Variants in TMTC2 observed in about 807,000 individuals in gnomAD.
TMTC2 encodes the protein protein O-mannosyl-transferase TMTC2.
A neutral mutation model predicts 82.4 loss-of-function variants in TMTC2; 43 were observed. That is an observed-to-expected ratio of 0.52 (90% CI 0.41 to 0.67). The LOEUF (loss-of-function observed/expected upper bound fraction) is 0.67, where lower values mean the gene tolerates loss of function less well. Among genes scored for constraint, TMTC2 ranks in the 30% least tolerant of loss-of-function variants. The pLI, the probability that TMTC2 is intolerant of heterozygous loss-of-function variation, is 0.00. For missense variants in TMTC2, 919 were observed against 1,012.4 expected (o/e 0.91, Z 1.25); for synonymous variants, 408 against 381.9 (o/e 1.07, Z -0.80).
At chr12:82,931,723 C>A (rs940310996) in intron 4 of TMTC2, among the ~76,000 whole-genome samples, 5 of 152,074 alleles carry the variant, frequency 3.3e-5, no homozygotes, top group Non-Finnish European at 7.4e-5. Flanking sequence ...CTGTGGTACT[C>A]TATAACAATG....
intron 3 of TMTC2, among the ~76,000 whole-genome samples, chr12:82,923,110 C>CA (rs1648753343): frequency 6.6e-6 from 1 of 152,140 alleles, no homozygotes; most frequent in African/African-American, 2.4e-5. Flanking sequence ...GCCACACTGC[C>CA]ACCAGCTGTG....
Position 82,937,746 on chromosome 12 carries a change from G to A in TMTC2, c.1598+7201G>A, listed in dbSNP as rs1565818128. ...TGTGTGTGGATGTGTGTGTGTGTGTGTGTGTATATATATATATATATATAT... is the reference window on the plus strand; with the variant it reads ...TGTGTGTGGATGTGTGTGTGTGTGTATGTGTATATATATATATATATATAT... On this transcript the variant is annotated intron_variant, in intron 4 of 11. Transcript: ENST00000321196. Among the ~76,000 whole-genome samples the A allele has an allele frequency of 2.3e-3, 140 of 60,288 alleles. 3 individuals carry two copies. The highest frequency in any genetic ancestry group is 0.01 in the African/African-American group (130 of 12,480). 39.6% of individuals were successfully genotyped at this position (60,288 alleles called of 152,430 possible).
At chr12:82,888,641 G>T (rs1873227557) in intron 2 of TMTC2, among the ~76,000 whole-genome samples, 1 of 152,140 alleles carries the variant, frequency 6.6e-6, no homozygotes, top group Non-Finnish European at 1.5e-5. Flanking sequence ...TAGCATAATG[G>T]TATAAAATGT....
At chr12:82,790,255 C>A (rs1878399843) in intron 1 of TMTC2, among the ~76,000 whole-genome samples, 1 of 151,270 alleles carries the variant, frequency 6.6e-6, no homozygotes, top group Admixed American at 6.6e-5. Flanking sequence ...GATGCTGAGC[C>A]CAGGGCTTTG....
At chr12:82,766,576 T>A (rs940904434) in intron 1 of TMTC2, among the ~76,000 whole-genome samples, 2 of 152,216 alleles carry the variant, frequency 1.3e-5, no homozygotes, top group African/African-American at 4.8e-5. Context: ...CCTTCCATAG[T>A]TGCATTTTTT....
intron 1 of TMTC2, among the ~76,000 whole-genome samples, chr12:82,772,612 G>T (rs1048668824): frequency 6.6e-6 from 1 of 152,102 alleles, no homozygotes; most frequent in Non-Finnish European, 1.5e-5. Flanking sequence ...GCAGCAGGTA[G>T]AAAAAATGTT....
chr12:82,691,997 A>AAT (rs1872598969), intron 1 of TMTC2, among the ~76,000 whole-genome samples: 1 of 152,190 alleles, frequency 6.6e-6, no homozygotes, highest in Non-Finnish European at 1.5e-5. Context: ...GATTGTTTAA[A>AAT]CAAACCTATT....
At chr12:82,711,437 TAAAA>T in intron 1 of TMTC2, among the ~76,000 whole-genome samples, 1 of 143,708 alleles carries the variant, frequency 7.0e-6, no homozygotes, top group Non-Finnish European at 1.5e-5. Context: ...AATATGTTGT[TAAAA>T]AAAAAAACGA....
chr12:83,090,782 C>G (rs140140631), intron 11 of TMTC2, among the ~76,000 whole-genome samples: 2 of 152,272 alleles, frequency 1.3e-5, no homozygotes, highest in African/African-American at 4.8e-5. Flanking sequence ...CTACATCACT[C>G]TCCTGAATTA....
intron 7 of TMTC2, among the ~76,000 whole-genome samples, chr12:82,972,105 T>A (rs1274135743): frequency 6.6e-6 from 1 of 152,138 alleles, no homozygotes; most frequent in Non-Finnish European, 1.5e-5. Context: ...ATGTGATACT[T>A]AAGAAATACA....
chr12:82,772,949 A>G (rs917144066), intron 1 of TMTC2, among the ~76,000 whole-genome samples: 13 of 152,194 alleles, frequency 8.5e-5, no homozygotes, highest in African/African-American at 3.1e-4. Flanking sequence ...ATTACTTTAG[A>G]AAATTGTCTT....
chr12:82,997,418 A>ATATATGTG (rs1879712711), intron 8 of TMTC2, among the ~76,000 whole-genome samples: 1 of 115,746 alleles, frequency 8.6e-6, no homozygotes, highest in African/African-American at 3.3e-5. Context: ...ATGTGTATAT[A>ATATATGTG]TATATATATA....
chr12:82,822,107 C>G (rs1459730561), intron 1 of TMTC2, among the ~76,000 whole-genome samples: 1 of 152,046 alleles, frequency 6.6e-6, no homozygotes, highest in Non-Finnish European at 1.5e-5. Context: ...GTATGACATT[C>G]TGGAAAAGGG....
chr12:83,132,603 T>G lies in TMTC2; in HGVS notation c.*214T>G, dbSNP rs1303661745. 1 of 548,558 alleles carries G rather than the reference T, an allele frequency of 1.8e-6. No homozygotes were observed. Among genetic ancestry groups the G allele is most frequent in the Non-Finnish European group, 3.1e-6 (1 of 320,200 alleles). The allele number at this position is 548,558 out of a possible 1,614,324, so 34.0% of individuals were successfully genotyped here. A position where few individuals can be genotyped will look rare whatever the true frequency, so the allele number is the denominator to read the frequency against. On this transcript the variant is annotated 3_prime_UTR_variant, in exon 12 of 12. Coordinates refer to ENST00000321196, the MANE Select transcript of TMTC2 (RefSeq NM_152588.3). ...AAAGCCGGAAACCTCCTGGAGGATGTCATTGTTACCCATAGACTGTAAACC... is the reference window on the plus strand; with the variant it reads ...AAAGCCGGAAACCTCCTGGAGGATGGCATTGTTACCCATAGACTGTAAACC...
At chr12:82,875,322 A>G (rs1256819438) in intron 2 of TMTC2, among the ~76,000 whole-genome samples, 1 of 151,742 alleles carries the variant, frequency 6.6e-6, no homozygotes, top group African/African-American at 2.4e-5. Context: ...CTCTTCTGTC[A>G]TGAGGATATT....
chr12:83,065,567 A>C (rs1214614317), intron 11 of TMTC2, among the ~76,000 whole-genome samples: 1 of 151,948 alleles, frequency 6.6e-6, no homozygotes, highest in Non-Finnish European at 1.5e-5. Flanking sequence ...CTTATAATAC[A>C]TTAAAACATG....
At chr12:82,982,246 A>G (rs1878949639) in intron 7 of TMTC2, among the ~76,000 whole-genome samples, 1 of 151,820 alleles carries the variant, frequency 6.6e-6, no homozygotes. Context: ...TGTGCAAGTC[A>G]CCAATCATTC....
At chr12:82,720,259 G>A (rs900009602) in intron 1 of TMTC2, among the ~76,000 whole-genome samples, 4 of 152,030 alleles carry the variant, frequency 2.6e-5, no homozygotes, top group Non-Finnish European at 4.4e-5. Context: ...CTGCAACCAC[G>A]AATATACTGT....
intron 8 of TMTC2, among the ~76,000 whole-genome samples, chr12:82,994,162 T>G (rs575939605): frequency 6.6e-6 from 1 of 152,276 alleles, no homozygotes; most frequent in Admixed American, 6.5e-5. Flanking sequence ...AAATTTTATT[T>G]TTTATATTTT....
Sources: allele counts gnomAD v4.1 joint callset (sites outside exome capture counted in the v4.1 genomes callset), GRCh38; gene constraint gnomAD v4.1.1; transcripts MANE v1.5; gene names NCBI Gene and HGNC (gene_info 2026-07-23, HGNC 2026-07-21).